Variants in VPS13A observed in about 807,000 individuals in gnomAD.
The protein encoded by VPS13A is vacuolar protein sorting 13 homolog A, also known as intermembrane lipid transfer protein VPS13A.
A neutral mutation model predicts 390.9 loss-of-function variants in VPS13A; 264 were observed. That is an observed-to-expected ratio of 0.68 (90% CI 0.61 to 0.75). The LOEUF is 0.75. VPS13A is among the 30% of genes least tolerant of loss of function. The pLI is 0.00. For missense variants in VPS13A, 3,409 were observed against 3,733.9 expected, an observed-to-expected ratio of 0.91 and a Z score of 2.27; for synonymous variants, 1,231 against 1,227.1, an observed-to-expected ratio of 1.00 and a Z score of -0.07.
intron 13 of VPS13A, among the ~76,000 whole-genome samples, 165 bp from the exon 14 acceptor site, chr9:77,225,761 C>T (rs1384801812): frequency 6.6e-6 from 1 of 152,132 alleles, no homozygotes; most frequent in Non-Finnish European, 1.5e-5. Flanking sequence ...TATGTTCAAG[C>T]ATTGCTTCCC....
chr9:77,201,724 T>C (rs935883124), intron 3 of VPS13A, among the ~76,000 whole-genome samples: 1 of 152,156 alleles, frequency 6.6e-6, no homozygotes, highest in African/African-American at 2.4e-5. Flanking sequence ...CACTGCTATA[T>C]TTTGATTAAC....
intron 46 of VPS13A, 58 bp downstream of exon 46, chr9:77,332,171 T>TAATG (rs1830310701): frequency 7.5e-7 from 1 of 1,326,356 alleles, no homozygotes; most frequent in Non-Finnish European, 1.1e-6. Context: ...TTTTAGTTTC[T>TAATG]GATTTCACAT....
At chr9:77,240,421 T>C (rs896861635) in intron 19 of VPS13A, among the ~76,000 whole-genome samples, 2 of 151,404 alleles carry the variant, frequency 1.3e-5, no homozygotes, top group African/African-American at 4.9e-5. Flanking sequence ...TTGTAAATAT[T>C]TTCTCTTGTA....
rs776569106 is a variant in VPS13A, at chr9:77,302,983, T to C, written c.3881T>C (p.Val1294Ala). The C allele has an allele frequency of 3.7e-6, 6 of 1,614,052 alleles. No homozygotes were observed. In the South Asian group the frequency reaches 6.6e-5, roughly 18 times the overall value. Residue 1294 changes from valine to alanine, a missense_variant, in exon 34 of 72, where the codon GTG (valine) becomes GCG (alanine). By Grantham distance (64) the Val-to-Ala change is moderately conservative (BLOSUM62 0). This residue lies in a region of VPS13A where 2,717 missense variants were observed against 2,917.4 expected (regional missense o/e 0.93). Coordinates refer to ENST00000360280, the MANE Select transcript of VPS13A (RefSeq NM_033305.3). ...DLLLPLNLEV[V>A]VERNLCWEWY... is the part of the protein sequence containing the mutation. ...CTCCTGCCATTAAATCTTGAGGTTG[T>C]GGTTGAACGAAATTTATGCTGGGAG...
At chr9:77,299,901 G>A (rs1357591269) in intron 33 of VPS13A, among the ~76,000 whole-genome samples, 1 of 152,010 alleles carries the variant, frequency 6.6e-6, no homozygotes, top group South Asian at 2.1e-4. Context: ...CACAGGAGGG[G>A]GAACATCACA....
chr9:77,184,811 A>G (rs1166377360), intron 1 of VPS13A, among the ~76,000 whole-genome samples: 2 of 152,150 alleles, frequency 1.3e-5, no homozygotes, highest in African/African-American at 4.8e-5. Context: ...TTTAGCACTC[A>G]GTATCTCCAG....
Position 77,389,489 on chromosome 9 carries a change from G to A in VPS13A, c.9189+7402G>A, listed in dbSNP as rs1019108323. Among the ~76,000 whole-genome samples the A allele has an allele frequency of 2.6e-5, 4 of 151,814 alleles. No individual in the cohort carries two copies. In the East Asian group the frequency reaches 5.8e-4, roughly 22 times the overall value. On this transcript the variant is annotated intron_variant, in intron 68 of 71. Coordinates refer to ENST00000360280, the MANE Select transcript of VPS13A (RefSeq NM_033305.3). The stretch of plus-strand genomic sequence containing the variant: ...CCAGGCTAATTTTTTAAATTTTTTC[G>A]TAGAGACAGGGTCTTGCTATGTGGC...
At chr9:77,388,502 A>G (rs1159816954) in intron 68 of VPS13A, among the ~76,000 whole-genome samples, 1 of 152,148 alleles carries the variant, frequency 6.6e-6, no homozygotes, top group Admixed American at 6.6e-5. Flanking sequence ...ACCGATATAT[A>G]GCAACAGTCT....
intron 27 of VPS13A, among the ~76,000 whole-genome samples, chr9:77,280,956 A>AG (rs1257477434): frequency 1.3e-5 from 2 of 152,150 alleles, no homozygotes; most frequent in African/African-American, 2.4e-5. Flanking sequence ...GCTTTAAAAA[A>AG]GGGGGGGAAT....
chr9:77,315,328 T>C lies in VPS13A; in HGVS notation c.4488T>C (p.Cys1496=). ...DIKYRKVRDG[C]VTDAVFQEMY... ...AGTACAGGAAAGTCAGAGATGGTTGTGTGACTGATGCGGTCTTTCAAGAAA... is the reference window on the plus strand; with the variant it reads ...AGTACAGGAAAGTCAGAGATGGTTGCGTGACTGATGCGGTCTTTCAAGAAA... The change falls in exon 38 of 72, where the codon TGT becomes TGC. Residue 1496 remains cysteine, a synonymous_variant. Transcript: ENST00000360280. 6.2e-7 allele frequency: 1 copy of C among 1,613,990 alleles called. No homozygotes were observed. The highest frequency in any genetic ancestry group is 8.5e-7 in the Non-Finnish European group (1 of 1,179,860).
chr9:77,271,673 G>A (rs1047374235), intron 23 of VPS13A, among the ~76,000 whole-genome samples: 23 of 152,158 alleles, frequency 1.5e-4, no homozygotes, highest in African/African-American at 5.5e-4. Context: ...ATTGAGTGTA[G>A]GGGGAGCTTC....
chr9:77,404,626 G>GT, intron 69 of VPS13A, among the ~76,000 whole-genome samples: 1 of 152,184 alleles, frequency 6.6e-6, no homozygotes, highest in Non-Finnish European at 1.5e-5. Context: ...CATTTTAAAA[G>GT]TTATCTTTTT....
At chr9:77,357,514 T>C (rs1587651848) in intron 55 of VPS13A, among the ~76,000 whole-genome samples, 178 bp from the exon 56 acceptor site, 1 of 152,176 alleles carries the variant, frequency 6.6e-6, no homozygotes, top group East Asian at 1.9e-4. Context: ...AGTAATGCAG[T>C]GAAGCTTTGT....
At chr9:77,344,062 TTAAGTC>T (rs1830994963) in intron 50 of VPS13A, 85 bp from the exon 51 acceptor site, 2 of 1,237,598 alleles carry the variant, frequency 1.6e-6, no homozygotes, top group East Asian at 2.6e-5. Flanking sequence ...TTTTTATAGT[TTAAGTC>T]TATTCTGATG....
chr9:77,344,885 A>G, intron 51 of VPS13A, 124 bp from the exon 52 acceptor site: 15 of 1,052,010 alleles, frequency 1.4e-5, no homozygotes, highest in Non-Finnish European at 2.0e-5. Flanking sequence ...AAAATTCTGA[A>G]TTGTTTTCTC....
Position 77,224,669 on chromosome 9 carries a change from C to T in VPS13A, c.1162-1257C>T, listed in dbSNP as rs117160016. Among the ~76,000 whole-genome samples, 166 of 152,246 alleles carry T rather than the reference C, an allele frequency of 1.1e-3. 1 individual carries two copies. The East Asian group carries it at 0.027, about 25-fold the overall frequency. On this transcript the variant is annotated intron_variant, in intron 13 of 71. Transcript: ENST00000360280. ...TATAGAAGAGCAAAGAAAGTGGTTT[C>T]TTGAGATGAAATATACTCCTGGTGA... is the stretch of plus-strand genomic sequence containing the variant.
At chr9:77,290,940 TC>T (rs1564699687) in intron 31 of VPS13A, among the ~76,000 whole-genome samples, 1 of 152,172 alleles carries the variant, frequency 6.6e-6, no homozygotes, top group African/African-American at 2.4e-5. Context: ...TTCTGTTGAT[TC>T]CTTTATTATT....
intron 7 of VPS13A, among the ~76,000 whole-genome samples, chr9:77,212,046 G>A (rs185186426): frequency 8.5e-5 from 13 of 152,236 alleles, no homozygotes; most frequent in Admixed American, 7.9e-4. Flanking sequence ...AAAGGTTGGG[G>A]ACCACTGCTC....
intron 1 of VPS13A, among the ~76,000 whole-genome samples, chr9:77,185,164 A>G (rs545400299): frequency 3.9e-4 from 58 of 150,426 alleles, no homozygotes; most frequent in African/African-American, 1.3e-3. Context: ...TTTTTTTGAG[A>G]CAGAGTCTCG....
Sources: gnomAD v4.1 joint callset for allele counts (sites outside exome capture counted in the v4.1 genomes callset) on GRCh38, gnomAD v4.1.1 for gene constraint, gnomAD v4.1.1 regional missense constraint, MANE v1.5 for transcripts, NCBI Gene and HGNC (gene_info 2026-07-23, HGNC 2026-07-21) for gene names.